CD320: variants seen among roughly 807,000 people sequenced by gnomAD.
CD320 encodes the protein CD320 antigen.
Under a neutral mutation model 22.1 loss-of-function variants are expected in CD320, and 16 were observed. The observed-to-expected ratio is 0.73, with a 90% CI of 0.49 to 1.10. The LOEUF (loss-of-function observed/expected upper bound fraction) is 1.10, where lower values mean the gene tolerates loss of function less well. CD320 is among the 50% of genes least tolerant of loss of function. The pLI is 0.00. For missense variants in CD320, 388 were observed against 376.9 expected (o/e 1.03, Z -0.24); for synonymous variants, 188 against 167.8 (o/e 1.12, Z -0.93).
At position 8,302,617 on chromosome 19, in the gene CD320, A is replaced by G. The variant is rs1050464577; in HGVS notation, c.707-12T>C. 8 of 1,612,600 alleles carry G rather than the reference A, an allele frequency of 5.0e-6. No homozygotes were observed. In the East Asian group the frequency reaches 1.8e-4, roughly 36 times the overall value. ...TGCACTGAGCACCGCTGTGGGGAAC[A>G]GATGGACAGAGGAGTAAGGAGGGGG... On this transcript the variant is annotated splice_polypyrimidine_tract_variant and intron_variant, in intron 4 of 4. Transcript: ENST00000301458.
rs1244032584 is a variant in CD320, at chr19:8,302,235, C to A, written c.*228G>T. The A allele has an allele frequency of 1.4e-6, 1 of 693,732 alleles. No individual in the cohort carries two copies. The highest frequency in any genetic ancestry group is 1.8e-5 in the African/African-American group (1 of 57,002). 43.0% of individuals were successfully genotyped at this position (693,732 alleles called of 1,614,324 possible). A position where few individuals can be genotyped will look rare whatever the true frequency, so the allele number is the denominator to read the frequency against. On this transcript the variant is annotated 3_prime_UTR_variant, in exon 5 of 5. Transcript: ENST00000301458. The stretch of plus-strand genomic sequence containing the variant: ...GCTGCCTGGGGCCAGCCCCTCAGTT[C>A]TGGCTGTGGCAGGTTCCCCATCCTA...
chr19:8,303,396 C>T (rs866048938), intron 3 of CD320, among the ~76,000 whole-genome samples: 54 of 152,122 alleles, frequency 3.5e-4, no homozygotes, highest in African/African-American at 1.1e-3. Flanking sequence ...GGATTACAGG[C>T]GTTAGCCACC....
rs775195083 is a variant in CD320, at chr19:8,302,345, T to C, written c.*118A>G. 19 of 1,291,982 alleles carry C rather than the reference T, an allele frequency of 1.5e-5. No individual in the cohort carries two copies. Among genetic ancestry groups the C allele is most frequent in the Non-Finnish European group, 2.1e-5 (19 of 895,974 alleles). 80.0% of individuals were successfully genotyped at this position (1,291,982 alleles called of 1,614,324 possible). A position where few individuals can be genotyped will look rare whatever the true frequency, so the allele number is the denominator to read the frequency against. On this transcript the variant is annotated 3_prime_UTR_variant, in exon 5 of 5. Transcript: ENST00000301458. The stretch of plus-strand genomic sequence containing the variant: ...AGGAGCTCGGGTTCGAGGTTCCACG[T>C]GGCCAGAAGAGCTCAGGTCTCTGAG...
rs755664352 is a variant in CD320, at chr19:8,308,254, G to C, written c.37C>G (p.Arg13Gly). 1.3e-6 allele frequency: 2 copies of C among 1,583,740 alleles called. No individual in the cohort carries two copies. The highest frequency in any genetic ancestry group is 1.1e-5 in the South Asian group (1 of 88,760). The change falls in exon 1 of 5, where the codon CGA becomes GGA. Residue 13 changes from arginine (R) to glycine (G), a missense_variant. Coordinates refer to ENST00000301458, the MANE Select transcript of CD320 (RefSeq NM_016579.4). ...AGCGCCAGGCCCAGAGCCCCTGTTC[G>C]CCACGCTCCAACCTGCGCCATCCAA... is the stretch of plus-strand genomic sequence containing the variant. ...GGWMAQVGAW[R>G]TGALGLALLL...
At chr19:8,306,452 G>C (rs754823769) in intron 1 of CD320, among the ~76,000 whole-genome samples, 25 of 152,208 alleles carry the variant, frequency 1.6e-4, no homozygotes, top group Admixed American at 3.9e-4. Flanking sequence ...GGAGGGGCAC[G>C]GAGGGGCCCG....
Position 8,302,930 on chromosome 19 carries a change from C to A in CD320, c.553G>T (p.Val185Leu). The part of the protein sequence containing the change: ...EGDATTMGPP[V>L]TLESVTSLRN... ...AGAGAGGTGACACTCTCCAGGGTCACAGGGGGCCCCATGGTTGTGGCATCC... is the reference window on the plus strand; with the variant it reads ...AGAGAGGTGACACTCTCCAGGGTCAAAGGGGGCCCCATGGTTGTGGCATCC... The change falls in exon 4 of 5, where the codon GTG (valine) becomes TTG (leucine). Residue 185 changes from valine (V) to leucine (L), a missense_variant. Coordinates refer to ENST00000301458, the MANE Select transcript of CD320 (RefSeq NM_016579.4). 6.2e-7 allele frequency: 1 copy of A among 1,614,120 alleles called. No homozygotes were observed. The highest frequency in any genetic ancestry group is 8.5e-7 in the Non-Finnish European group (1 of 1,180,022).
At chr19:8,305,346 A>T in intron 1 of CD320, 190 bp from the exon 2 acceptor site, 3 of 625,958 alleles carry the variant, frequency 4.8e-6, no homozygotes, top group Non-Finnish European at 8.3e-6. Context: ...TGGGCTCAAG[A>T]GCCCCACTGG....
chr19:8,304,771 C>T (rs1473971675), intron 2 of CD320: 2 of 475,540 alleles, frequency 4.2e-6, no homozygotes, highest in South Asian at 2.0e-5. Flanking sequence ...AATCCTAGCT[C>T]ACTGCAGCGG....
Position 8,305,136 on chromosome 19 carries a change from G to T in CD320, c.163C>A (p.Pro55Thr). 1 of 1,610,568 alleles carries T rather than the reference G, an allele frequency of 6.2e-7. No homozygotes were observed. The change falls in exon 2 of 5, where the codon CCA (proline) becomes ACA (threonine). Residue 55 changes from proline (P) to threonine (T), a missense_variant. Transcript: ENST00000301458. The stretch of plus-strand genomic sequence containing the variant: ...GTGCGGCACTGGAACTTGGTGGGTG[G>T]GCACGAGCCTGAGCTGGGGCCTGCG... ...QAAGPSSGSCPPTKFQCRTSG... is the reference protein window; with the variant it reads ...QAAGPSSGSCTPTKFQCRTSG...
At position 8,304,030 on chromosome 19, in the gene CD320, G is replaced by C; in HGVS notation, c.327C>G (p.Pro109=). The C allele has an allele frequency of 6.4e-7, 1 of 1,564,066 alleles. No individual in the cohort carries two copies. Among genetic ancestry groups the C allele is most frequent in the Non-Finnish European group, 8.7e-7 (1 of 1,153,848 alleles). ...CAGAGCAGTCACTGACGCCGGTGCA[G>C]GGGCAGGGGAGGCCAGGGGGCGGTG... The part of the protein sequence containing the change: ...QCPPPPGLPC[P]CTGVSDCSGG... The change falls in exon 3 of 5, where the codon CCC becomes CCG. Residue 109 remains proline, a synonymous_variant. Coordinates refer to ENST00000301458, the MANE Select transcript of CD320 (RefSeq NM_016579.4).
chr19:8,305,327 A>T, intron 1 of CD320, 171 bp from the exon 2 acceptor site: 2 of 746,404 alleles, frequency 2.7e-6, no homozygotes, highest in Non-Finnish European at 4.3e-6. Context: ...TTCAGAGTGT[A>T]GCAGTTCCTG....
chr19:8,304,664 CTTT>C, intron 2 of CD320: 1 of 177,076 alleles, frequency 5.6e-6, no homozygotes, highest in Non-Finnish European at 1.2e-5. Flanking sequence ...TCTTTCCTTC[CTTT>C]CTTTCCTTTC....
chr19:8,304,819 A>T, intron 2 of CD320: 1 of 559,082 alleles, frequency 1.8e-6, no homozygotes, highest in Non-Finnish European at 3.3e-6. Context: ...CTCCCACCCT[A>T]GCCTCCCAAA....
chr19:8,305,925 A>G (rs17160390), intron 1 of CD320: 17,368 of 152,098 alleles, frequency 0.11, 2,032 homozygotes, highest in African/African-American at 0.3. Context: ...TCCTCTGCGT[A>G]GCAAAAGGGA....
intron 1 of CD320, 146 bp downstream of exon 1, chr19:8,308,003 C>T (rs1445799965): frequency 1.1e-6 from 1 of 875,740 alleles, no homozygotes; most frequent in Non-Finnish European, 1.6e-6. Context: ...GCGCGCCTTC[C>T]CACAAGCGAT....
At position 8,305,122 on chromosome 19, in the gene CD320, G is replaced by A. The variant is rs138375719; in HGVS notation, c.177C>T (p.Phe59=). 1.2e-6 allele frequency: 2 copies of A among 1,612,598 alleles called. No homozygotes were observed. The highest frequency in any genetic ancestry group is 2.2e-5 in the South Asian group (2 of 90,882). Residue 59 remains phenylalanine (F), a synonymous_variant, in exon 2 of 5, where the codon TTC becomes TTT. Transcript: ENST00000301458. ...PSSGSCPPTK[F]QCRTSGLCVP... ...CGCATAAGCCACTGGTGCGGCACTG[G>A]AACTTGGTGGGTGGGCACGAGCCTG...
Position 8,302,378 on chromosome 19 carries a change from G to GT in CD320, c.*84dup, listed in dbSNP as rs111715681. 0.013 allele frequency: 19,371 copies of GT among 1,544,172 alleles called. 1,423 individuals carry two copies. In the South Asian group the frequency reaches 0.15, roughly 12 times the overall value. On this transcript the variant is annotated 3_prime_UTR_variant, in exon 5 of 5. Transcript: ENST00000301458. ...AGAGCTCAGGTCTCTGAGGGCTGGT[G>GT]TGCCCGGGTACCCATCCGCATCACT...
At chr19:8,305,259 C>A (rs1411910007) in intron 1 of CD320, 103 bp from the exon 2 acceptor site, 14 of 1,416,502 alleles carry the variant, frequency 9.9e-6, no homozygotes, top group Non-Finnish European at 1.3e-5. Context: ...GGCGAAGTCC[C>A]GGGATATAGG....
chr19:8,304,750 T>G, intron 2 of CD320: 1 of 439,598 alleles, frequency 2.3e-6, no homozygotes, highest in Non-Finnish European at 4.3e-6. Context: ...CAGGCTGGAG[T>G]GCACTGGCAC....
Sources: allele counts gnomAD v4.1 joint callset (sites outside exome capture counted in the v4.1 genomes callset), GRCh38; gene constraint gnomAD v4.1.1; transcripts MANE v1.5; gene names NCBI Gene and HGNC (gene_info 2026-07-23, HGNC 2026-07-21).